The following KCNH1 variants were observed in gnomAD, a reference collection of about 807,000 sequenced individuals.
The protein encoded by KCNH1 is potassium voltage-gated channel subfamily H member 1.
In KCNH1, 27 loss-of-function variants were observed where a neutral mutation model predicts 69.2. That is an observed-to-expected ratio of 0.39 (90% CI 0.29 to 0.54). The LOEUF is 0.54. Ranked by LOEUF, KCNH1 falls within the 20% of genes least tolerant of loss-of-function variation. The pLI, the probability that KCNH1 is intolerant of heterozygous loss-of-function variation, is 0.68. For missense variants in KCNH1, 798 were observed against 1,261.6 expected (o/e 0.63, Z 5.57); for synonymous variants, 456 against 487.7 (o/e 0.93, Z 0.86).
intron 6 of KCNH1, among the ~76,000 whole-genome samples, chr1:210,925,885 A>G (rs1235207535): frequency 5.3e-5 from 8 of 152,202 alleles, no homozygotes; most frequent in Admixed American, 5.2e-4. Context: ...TCCCTAGTGC[A>G]AGTTTCTATC....
chr1:211,011,094 A>G (rs1311692557), intron 6 of KCNH1, among the ~76,000 whole-genome samples: 1 of 152,012 alleles, frequency 6.6e-6, no homozygotes, highest in East Asian at 1.9e-4. Flanking sequence ...CCCATCATCT[A>G]CATTAGGTAT....
chr1:210,895,475 C>T (rs2102528247), intron 7 of KCNH1, among the ~76,000 whole-genome samples: 1 of 152,114 alleles, frequency 6.6e-6, no homozygotes, highest in South Asian at 2.1e-4. Flanking sequence ...GGATCTTGGC[C>T]CTCTCCTCTG....
intron 7 of KCNH1, among the ~76,000 whole-genome samples, chr1:210,832,130 G>C (rs1685175695): frequency 6.6e-6 from 1 of 152,034 alleles, no homozygotes; most frequent in Non-Finnish European, 1.5e-5. Flanking sequence ...TCAAAAAAAA[G>C]AAAGTCTTCT....
chr1:211,031,938 G>T (rs1689793249), intron 5 of KCNH1, among the ~76,000 whole-genome samples: 1 of 152,108 alleles, frequency 6.6e-6, no homozygotes, highest in African/African-American at 2.4e-5. Context: ...AGGAAATAAA[G>T]GGTATTCAAT....
At chr1:211,005,514 G>A (rs1689264426) in intron 6 of KCNH1, among the ~76,000 whole-genome samples, 1 of 151,996 alleles carries the variant, frequency 6.6e-6, no homozygotes, top group Admixed American at 6.6e-5. Context: ...AAGAAAGGAT[G>A]GCATTTTCAA....
At chr1:210,736,244 G>T (rs1682875813) in intron 10 of KCNH1, among the ~76,000 whole-genome samples, 1 of 152,034 alleles carries the variant, frequency 6.6e-6, no homozygotes, top group African/African-American at 2.4e-5. Flanking sequence ...AAAAACTTTA[G>T]ATTTTTTTAA....
chr1:210,855,711 T>C (rs971787020), intron 7 of KCNH1, among the ~76,000 whole-genome samples: 1 of 152,170 alleles, frequency 6.6e-6, no homozygotes, highest in South Asian at 2.1e-4. Context: ...GCTGCCTTTC[T>C]ATAGCAGAGT....
intron 9 of KCNH1, among the ~76,000 whole-genome samples, chr1:210,784,597 A>G (rs1042979634): frequency 1.3e-5 from 2 of 152,192 alleles, no homozygotes; most frequent in African/African-American, 4.8e-5. Flanking sequence ...CTGCAGGGAC[A>G]GGCCTGTATT....
At chr1:210,872,667 G>C (rs1267618380) in intron 7 of KCNH1, among the ~76,000 whole-genome samples, 2 of 152,122 alleles carry the variant, frequency 1.3e-5, no homozygotes, top group Non-Finnish European at 2.9e-5. Flanking sequence ...AAGAGAGAGA[G>C]TGGGGAGGTG....
At chr1:210,826,302 T>C (rs1184136397) in intron 7 of KCNH1, among the ~76,000 whole-genome samples, 1 of 152,198 alleles carries the variant, frequency 6.6e-6, no homozygotes, top group Non-Finnish European at 1.5e-5. Context: ...TTCTTTCTAC[T>C]TGCAACAATG....
intron 10 of KCNH1, among the ~76,000 whole-genome samples, chr1:210,772,051 A>G (rs1472094361): frequency 1.3e-5 from 2 of 152,230 alleles, no homozygotes; most frequent in Non-Finnish European, 2.9e-5. Context: ...GTGGCTTAGA[A>G]TACAGAGGCT....
chr1:210,861,049 C>T, intron 7 of KCNH1: 1 of 992,072 alleles, frequency 1.0e-6, no homozygotes, highest in Non-Finnish European at 1.6e-6. Context: ...ATCCCATAGT[C>T]TTTTGAAGTA....
chr1:211,095,910 G>A (rs1691140554), intron 3 of KCNH1, among the ~76,000 whole-genome samples: 1 of 152,134 alleles, frequency 6.6e-6, no homozygotes, highest in African/African-American at 2.4e-5. Flanking sequence ...TTTATCTTCA[G>A]TTATTCGGAG....
intron 6 of KCNH1, among the ~76,000 whole-genome samples, chr1:210,955,665 T>C (rs1312671216): frequency 6.6e-6 from 1 of 152,216 alleles, no homozygotes; most frequent in Non-Finnish European, 1.5e-5. Flanking sequence ...TTTGTAGCAA[T>C]TGTGAATTGG....
intron 6 of KCNH1, among the ~76,000 whole-genome samples, chr1:210,960,809 T>C (rs1336077506): frequency 6.6e-6 from 1 of 152,218 alleles, no homozygotes; most frequent in African/African-American, 2.4e-5. Context: ...ATATATTTGA[T>C]TTTTAAAGAA....
At chr1:211,077,951 A>G (rs59987408) in intron 5 of KCNH1, among the ~76,000 whole-genome samples, 3,895 of 152,266 alleles carry the variant, frequency 0.026, 175 homozygotes, top group African/African-American at 0.089. Context: ...GAAAAAAAAA[A>G]AAGCAGGGTT....
At chr1:210,986,058 G>A (rs980642421) in intron 6 of KCNH1, among the ~76,000 whole-genome samples, 17 of 152,202 alleles carry the variant, frequency 1.1e-4, no homozygotes, top group African/African-American at 3.9e-4. Flanking sequence ...TGTCTCTTTT[G>A]ATGTTTGTTG....
rs1008189507 is a variant in KCNH1, at chr1:210,893,609, TTCTC to T, written c.1462+26027_1462+26030del. Reference sequence around the variant, plus strand: ...TATTTCTTCAAATATTGCTTCTACTTTCTCTCTGTCTCTCTCATCCTTTGCTTTT... The same window carrying T: ...TATTTCTTCAAATATTGCTTCTACTTTCTGTCTCTCTCATCCTTTGCTTTT... On this transcript the variant is annotated intron_variant, in intron 7 of 10. Transcript: ENST00000271751. 2.6e-4 allele frequency among the ~76,000 whole-genome samples: 40 copies of T among 152,112 alleles called. 1 individual carries two copies. Among genetic ancestry groups the T allele is most frequent in the African/African-American group, 7.5e-4 (31 of 41,516 alleles).
At chr1:211,111,299 A>C (rs1456895226) in intron 1 of KCNH1, among the ~76,000 whole-genome samples, 3 of 152,006 alleles carry the variant, frequency 2.0e-5, no homozygotes, top group Non-Finnish European at 4.4e-5. Flanking sequence ...GCCTCTGCCC[A>C]GCGGTCCCAC....
Sources: allele counts gnomAD v4.1 joint callset (sites outside exome capture counted in the v4.1 genomes callset), GRCh38; gene constraint gnomAD v4.1.1; transcripts MANE v1.5; gene names NCBI Gene and HGNC (gene_info 2026-07-23, HGNC 2026-07-21).